ZNF100: variants seen among roughly 807,000 people sequenced by gnomAD.
The protein encoded by ZNF100 is zinc finger protein 100, also known as zinc finger protein 100 (Y1).
Under a neutral mutation model 15.8 loss-of-function variants are expected in ZNF100, and 12 were observed. The ratio of observed to expected loss-of-function variants is 0.76; its 90% CI spans 0.49 to 1.23. The LOEUF (loss-of-function observed/expected upper bound fraction) is 1.23. Ranked by LOEUF, ZNF100 falls within the 50% of genes most tolerant of loss-of-function variation. The pLI is 0.00. For synonymous variants in ZNF100, 226 were observed against 214.8 expected, an observed-to-expected ratio of 1.05 and a Z score of -0.45; for missense variants, 670 against 635.6, an observed-to-expected ratio of 1.05 and a Z score of -0.58.
chr19:21,746,761 C>G (rs1325750308), intron 2 of ZNF100: 1 of 152,126 alleles, frequency 6.6e-6, no homozygotes, highest in Non-Finnish European at 1.5e-5. Context: ...TTTGCAAATA[C>G]TAAATGCATG....
chr19:21,731,047 A>C (rs1040976951), intron 4 of ZNF100, among the ~76,000 whole-genome samples: 3 of 151,830 alleles, frequency 2.0e-5, no homozygotes, highest in African/African-American at 7.3e-5. Context: ...TCAAGAGACA[A>C]TAAAGTACCC....
chr19:21,766,416 TA>T (rs34113075), intron 1 of ZNF100, among the ~76,000 whole-genome samples: 41,135 of 144,082 alleles, frequency 0.29, 6,017 homozygotes, highest in South Asian at 0.43. Context: ...GGTTCCTACT[TA>T]AAAAAAAAAA....
intron 2 of ZNF100, among the ~76,000 whole-genome samples, chr19:21,760,463 C>G (rs530299121): frequency 7.4e-4 from 113 of 151,774 alleles, no homozygotes; most frequent in Non-Finnish European, 1.3e-3. Flanking sequence ...CCACTACACT[C>G]CAGCCTAGGG....
At chr19:21,737,998 C>G (rs1300692897) in intron 4 of ZNF100, among the ~76,000 whole-genome samples, 2 of 152,020 alleles carry the variant, frequency 1.3e-5, no homozygotes, top group Non-Finnish European at 2.9e-5. Context: ...TGCCTGTAAT[C>G]CCAGCACTTT....
At chr19:21,757,060 G>A (rs1452597064) in intron 2 of ZNF100, among the ~76,000 whole-genome samples, 1 of 152,208 alleles carries the variant, frequency 6.6e-6, no homozygotes, top group Non-Finnish European at 1.5e-5. Flanking sequence ...CAGCACTTTG[G>A]GAGGCCAAGG....
chr19:21,723,705 CT>C lies in ZNF100; in HGVS notation c.*2977del, dbSNP rs1174807113. The stretch of plus-strand genomic sequence containing the variant: ...TTACAAGCTAACTTTAGCAGGAATA[CT>C]TATGGCTTACTATGGAGCATCTGTT... On this transcript the variant is annotated 3_prime_UTR_variant, in exon 5 of 5. Coordinates refer to ENST00000358296, the MANE Select transcript of ZNF100 (RefSeq NM_173531.4). 1 of 152,144 alleles carries C rather than the reference CT, an allele frequency of 6.6e-6. No individual in the cohort carries two copies. The highest frequency in any genetic ancestry group is 1.5e-5 in the Non-Finnish European group (1 of 68,022). 9.4% of individuals were successfully genotyped at this position (152,144 alleles called of 1,614,324 possible). A position where few individuals can be genotyped will look rare whatever the true frequency, so the allele number is the denominator to read the frequency against.
At chr19:21,758,317 T>G (rs117421571) in intron 2 of ZNF100, among the ~76,000 whole-genome samples, 1,618 of 152,194 alleles carry the variant, frequency 0.011, 9 homozygotes, top group Middle Eastern at 0.024. Flanking sequence ...AAAAAATACC[T>G]CTTTGGTGCT....
At position 21,726,618 on chromosome 19, in the gene ZNF100, C is replaced by A; in HGVS notation, c.*65G>T. The A allele has an allele frequency of 7.0e-7, 1 of 1,429,896 alleles. No homozygotes were observed. The highest frequency in any genetic ancestry group is 9.5e-7 in the Non-Finnish European group (1 of 1,051,090). 88.6% of individuals were successfully genotyped at this position (1,429,896 alleles called of 1,614,324 possible). The stretch of plus-strand genomic sequence containing the variant: ...TATTCTTCACAGTCACAGGAGTTCC[C>A]TCCAGTATGAATTTTTTTATGTTTA... On this transcript the variant is annotated 3_prime_UTR_variant, in exon 5 of 5. Coordinates refer to ENST00000358296, the MANE Select transcript of ZNF100 (RefSeq NM_173531.4).
At chr19:21,728,945 G>A (rs2145685279) in intron 4 of ZNF100, among the ~76,000 whole-genome samples, 1 of 151,892 alleles carries the variant, frequency 6.6e-6, no homozygotes, top group East Asian at 1.9e-4. Flanking sequence ...ACAAATTGTG[G>A]AGGTAATAAA....
chr19:21,766,617 A>G (rs2036567040), intron 1 of ZNF100, among the ~76,000 whole-genome samples: 1 of 152,218 alleles, frequency 6.6e-6, no homozygotes, highest in African/African-American at 2.4e-5. Context: ...CATTTTATAA[A>G]TGACTTTCCT....
rs780051892 is a variant in ZNF100 at position 21,723,979 on chromosome 19, T to C, written c.*2704A>G. On this transcript the variant is annotated 3_prime_UTR_variant, in exon 5 of 5. Coordinates refer to ENST00000358296, the MANE Select transcript of ZNF100 (RefSeq NM_173531.4). ...TAATTGTGGAATTACATTTAAAAAT[T>C]TTGTATGCACTAAATTTTGTAAAAA... The C allele has an allele frequency of 6.6e-6, 1 of 152,264 alleles. No individual in the cohort carries two copies. Among genetic ancestry groups the C allele is most frequent in the Admixed American group, 6.5e-5 (1 of 15,296 alleles). The allele number at this position is 152,264 out of a possible 1,614,324, so 9.4% of individuals were successfully genotyped here. A position where few individuals can be genotyped will look rare whatever the true frequency, so the allele number is the denominator to read the frequency against.
rs143878737 is a variant in ZNF100 at position 21,766,281 on chromosome 19, G to A, written c.4-495C>T. ...CCAGAGTGAGGCTGGAGAAATGGGG[G>A]ACGGGGGTTAGACTTAACAACCTGC... is the stretch of plus-strand genomic sequence containing the variant. On this transcript the variant is annotated intron_variant, in intron 1 of 4. Transcript: ENST00000358296. Among the ~76,000 whole-genome samples, 16 of 152,160 alleles carry A rather than the reference G, an allele frequency of 1.1e-4. No individual in the cohort carries two copies. In the East Asian group the frequency reaches 2.9e-3, roughly 28 times the overall value.
chr19:21,723,834 A>G lies in ZNF100; in HGVS notation c.*2849T>C, dbSNP rs1183865980. On this transcript the variant is annotated 3_prime_UTR_variant, in exon 5 of 5. Transcript: ENST00000358296. ...ACTTACCTGAACAAATTGACTCAAT[A>G]AATAAATTTACTTATGTCAACTATA... 1 of 152,220 alleles carries G rather than the reference A, an allele frequency of 6.6e-6. No homozygotes were observed. Among genetic ancestry groups the G allele is most frequent in the Non-Finnish European group, 1.5e-5 (1 of 68,028 alleles). The allele number at this position is 152,220 out of a possible 1,614,324, so 9.4% of individuals were successfully genotyped here.
intron 4 of ZNF100, among the ~76,000 whole-genome samples, chr19:21,735,226 G>A (rs2035987020): frequency 6.6e-6 from 1 of 152,114 alleles, no homozygotes; most frequent in African/African-American, 2.4e-5. Flanking sequence ...TAAATGGACT[G>A]AATGCTCCAA....
At chr19:21,764,949 G>A (rs1255623498) in intron 2 of ZNF100, among the ~76,000 whole-genome samples, 1 of 152,034 alleles carries the variant, frequency 6.6e-6, no homozygotes, top group African/African-American at 2.4e-5. Flanking sequence ...AACTAAAATT[G>A]AGAGATTTTG....
chr19:21,744,184 T>C, intron 3 of ZNF100, 69 bp from the exon 4 acceptor site: 1 of 1,315,428 alleles, frequency 7.6e-7, no homozygotes. Context: ...CTATGCTTAG[T>C]AAAGAGGAGG....
rs550860903 is a variant in ZNF100 at position 21,765,709 on chromosome 19, C to G, written c.81G>C (p.Gln27His). 3.5e-4 allele frequency: 568 copies of G among 1,613,748 alleles called. 4 individuals carry two copies. The highest frequency in any genetic ancestry group is 2.0e-3 in the South Asian group (178 of 91,014). ...AAGGGGTTACCTTTTCAAAATAAGA[C>G]TGCACCAGAAGACTCCTCTCAGCCC... is the stretch of plus-strand genomic sequence containing the variant. The part of the protein sequence containing the change: ...CPGAERSLLV[Q>H]SYFEKGPLTF... The change falls in exon 2 of 5, where the codon CAG becomes CAC. Residue 27 changes from glutamine to histidine, a missense_variant. By Grantham distance (24) the Gln-to-His change is conservative. Coordinates refer to ENST00000358296, the MANE Select transcript of ZNF100 (RefSeq NM_173531.4).
chr19:21,729,162 T>C lies in ZNF100; in HGVS notation c.323-1173A>G, dbSNP rs189797061. ...ATAGTCTTATGAGACAGCCAGTGAA[T>C]TGTCAATAAAAATTTTGCAGGCCAG... On this transcript the variant is annotated intron_variant, in intron 4 of 4. Transcript: ENST00000358296. 4.0e-3 allele frequency among the ~76,000 whole-genome samples: 611 copies of C among 152,124 alleles called. 7 individuals are homozygous for C. Among genetic ancestry groups the C allele is most frequent in the African/African-American group, 0.014 (582 of 41,522 alleles).
At chr19:21,728,972 T>C (rs148649448) in intron 4 of ZNF100, among the ~76,000 whole-genome samples, 33 of 150,694 alleles carry the variant, frequency 2.2e-4, no homozygotes, top group African/African-American at 7.3e-4. Flanking sequence ...AAAGAATAGC[T>C]GAAAAATATT....
Sources: allele counts gnomAD v4.1 joint callset (sites outside exome capture counted in the v4.1 genomes callset), GRCh38; gene constraint gnomAD v4.1.1; transcripts MANE v1.5; gene names NCBI Gene and HGNC (gene_info 2026-07-23, HGNC 2026-07-21).